The following ARHGEF4 variants were observed in gnomAD, a reference collection of about 807,000 sequenced individuals.
ARHGEF4 encodes the protein APC-stimulated guanine nucleotide exchange factor 1.
A neutral mutation model predicts 162.0 loss-of-function variants in ARHGEF4; 119 were observed. The ratio of observed to expected loss-of-function variants is 0.73; its 90% confidence interval spans 0.63 to 0.86. The LOEUF is 0.86. Among genes scored for constraint, ARHGEF4 ranks in the 40% least tolerant of loss-of-function variants. The pLI, the probability that ARHGEF4 is intolerant of heterozygous loss-of-function variation, is 0.00. For missense variants in ARHGEF4, 2,488 were observed against 2,456.0 expected (o/e 1.01, Z -0.28); for synonymous variants, 1,014 against 979.9 (o/e 1.03, Z -0.65).
At chr2:131,039,953 C>T (rs1573699959) in intron 6 of ARHGEF4, 63 bp from the exon 7 acceptor site, 62 of 1,526,120 alleles carry the variant, frequency 4.1e-5, no homozygotes, top group Non-Finnish European at 5.3e-5. Context: ...GCCGCTGCGG[C>T]GCAGGGCGCG....
chr2:130,931,990 T>C (rs531971407), intron 3 of ARHGEF4, among the ~76,000 whole-genome samples: 1 of 152,274 alleles, frequency 6.6e-6, no homozygotes, highest in South Asian at 2.1e-4. Context: ...ATTCATTCAC[T>C]ATATTTTGCG....
At position 130,901,904 on chromosome 2, in the gene ARHGEF4, A is replaced by G. The variant is rs574131591; in HGVS notation, c.40-12082A>G. On this transcript the variant is annotated intron_variant, in intron 1 of 13. Transcript: ENST00000409359. ...CTGTCCTAAATCAGCCCAGGGCCAG[A>G]TACCAGACAACAAGGACAGCCCTTA... Among the ~76,000 whole-genome samples the G allele has an allele frequency of 7.5e-4, 114 of 152,282 alleles. 2 individuals carry two copies. Among genetic ancestry groups the G allele is most frequent in the African/African-American group, 2.6e-3 (109 of 41,564 alleles).
chr2:130,926,549 G>T (rs1398214541), intron 2 of ARHGEF4, among the ~76,000 whole-genome samples: 2 of 152,106 alleles, frequency 1.3e-5, no homozygotes, highest in Non-Finnish European at 2.9e-5. Context: ...ACTCCACTTT[G>T]GTGTGGGAAG....
At position 130,990,242 on chromosome 2, in the gene ARHGEF4, GA is replaced by G. The variant is rs1410854400; in HGVS notation, c.3986-37702del. Among the ~76,000 whole-genome samples the G allele has an allele frequency of 3.9e-5, 6 of 152,258 alleles. No homozygotes were observed. In the East Asian group the frequency reaches 9.7e-4, roughly 24 times the overall value. On this transcript the variant is annotated intron_variant, in intron 4 of 13. Coordinates refer to ENST00000409359, the MANE Select transcript of ARHGEF4 (RefSeq NM_001367493.1). Reference sequence around the variant, plus strand: ...TTTCTCTTTTTAAATCTCTGTAGCTGAGGGGAAAATATGTCTTACAAACAGT... The same window carrying G: ...TTTCTCTTTTTAAATCTCTGTAGCTGGGGGAAAATATGTCTTACAAACAGT...
Position 131,038,943 on chromosome 2 carries a change from G to T in ARHGEF4, c.4216G>T (p.Val1406Phe). 4 of 1,613,756 alleles carry T rather than the reference G, an allele frequency of 2.5e-6. No individual in the cohort carries two copies. Among genetic ancestry groups the T allele is most frequent in the East Asian group, 2.2e-5 (1 of 44,878 alleles). Residue 1406 changes from valine to phenylalanine, a missense_variant, in exon 6 of 14, where the codon GTC becomes TTC. By Grantham distance (50) the Val-to-Phe change is conservative. Transcript: ENST00000409359. ...GGAGCTGGGCTTCAAAGCTGGGGAC[G>T]TCATCGAAGTGATGGATGCCACCAA... ...DQELGFKAGD[V>F]IEVMDATNRE...
At chr2:130,868,392 A>G (rs1468172120) in intron 1 of ARHGEF4, among the ~76,000 whole-genome samples, 4 of 147,276 alleles carry the variant, frequency 2.7e-5, no homozygotes, top group African/African-American at 9.9e-5. Flanking sequence ...GATGGCAGAA[A>G]AGGGAAAGGA....
At chr2:130,842,255 C>G (rs1192776707) in intron 1 of ARHGEF4, among the ~76,000 whole-genome samples, 1 of 152,056 alleles carries the variant, frequency 6.6e-6, no homozygotes, top group Non-Finnish European at 1.5e-5. Flanking sequence ...CCAGTGCATC[C>G]CCACTCCTAA....
At chr2:130,970,933 ATCTC>A (rs1188274222) in intron 4 of ARHGEF4, among the ~76,000 whole-genome samples, 1 of 152,158 alleles carries the variant, frequency 6.6e-6, no homozygotes, top group South Asian at 2.1e-4. Flanking sequence ...CCAATTTTTC[ATCTC>A]TCTGTCTTAT....
intron 2 of ARHGEF4, 136 bp downstream of exon 2, chr2:130,917,634 G>T (rs1047395556): frequency 5.3e-6 from 6 of 1,141,386 alleles, no homozygotes; most frequent in Middle Eastern, 3.0e-4. Flanking sequence ...ACTCCCAGCC[G>T]CCCCCCCTCC....
intron 1 of ARHGEF4, among the ~76,000 whole-genome samples, chr2:130,901,605 C>G (rs1235918921): frequency 6.6e-6 from 1 of 151,882 alleles, no homozygotes; most frequent in Non-Finnish European, 1.5e-5. Flanking sequence ...ACTGCAACCT[C>G]TGCCTCCCGG....
chr2:131,035,592 G>GTGAC lies in ARHGEF4; in HGVS notation c.4126-3260_4126-3257dup, dbSNP rs1690214166. On this transcript the variant is annotated intron_variant, in intron 5 of 13. Transcript: ENST00000409359. ...CTGCTTGTCTGGAAACGGAGTGCATGTGACCGCTGGGTGAGCGACCCGCGC... is the reference window on the plus strand; with the variant it reads ...CTGCTTGTCTGGAAACGGAGTGCATGTGACTGACCGCTGGGTGAGCGACCCGCGC... 5.5e-6 allele frequency: 5 copies of GTGAC among 905,656 alleles called. No individual in the cohort carries two copies. In the South Asian group the frequency reaches 2.1e-4, roughly 37 times the overall value. The allele number at this position is 905,656 out of a possible 1,614,324, so 56.1% of individuals were successfully genotyped here. A position where few individuals can be genotyped will look rare whatever the true frequency, so the allele number is the denominator to read the frequency against.
rs115336991 is a variant in ARHGEF4 at position 130,980,624 on chromosome 2, G to T, written c.3985+33989G>T. Among the ~76,000 whole-genome samples, 2 of 152,064 alleles carry T rather than the reference G, an allele frequency of 1.3e-5. 1 individual carries two copies. The highest frequency in any genetic ancestry group is 6.3e-3 in the Middle Eastern group (2 of 316). On this transcript the variant is annotated intron_variant, in intron 4 of 13. Coordinates refer to ENST00000409359, the MANE Select transcript of ARHGEF4 (RefSeq NM_001367493.1). ...ACATCAACACACATTTCTAAGATTG[G>T]TTTCTAGATACAGTACTGACGACTG...
At chr2:130,891,037 T>A (rs1265716570) in intron 1 of ARHGEF4, among the ~76,000 whole-genome samples, 1 of 152,108 alleles carries the variant, frequency 6.6e-6, no homozygotes, top group African/African-American at 2.4e-5. Flanking sequence ...CTATAGTGAG[T>A]GTATCTCTGC....
chr2:130,939,281 T>A (rs952728330), intron 3 of ARHGEF4, among the ~76,000 whole-genome samples: 2 of 152,202 alleles, frequency 1.3e-5, no homozygotes, highest in Admixed American at 1.3e-4. Flanking sequence ...TAGGTGAAGT[T>A]TCTTTTCTTC....
chr2:130,959,145 TTGGC>T (rs1277902217), intron 4 of ARHGEF4, among the ~76,000 whole-genome samples: 1 of 152,066 alleles, frequency 6.6e-6, no homozygotes, highest in African/African-American at 2.4e-5. Flanking sequence ...TTTCTCCATG[TTGGC>T]CAGGCTGGTC....
At chr2:130,924,851 G>A (rs1034792720) in intron 2 of ARHGEF4, among the ~76,000 whole-genome samples, 1 of 152,160 alleles carries the variant, frequency 6.6e-6, no homozygotes, top group Non-Finnish European at 1.5e-5. Context: ...TGAGCCTTGG[G>A]TTAAGACCAC....
chr2:131,023,844 T>C (rs1159227750), intron 4 of ARHGEF4, among the ~76,000 whole-genome samples: 5 of 152,144 alleles, frequency 3.3e-5, no homozygotes. Flanking sequence ...ATAGGAATAG[T>C]TGGAAACAAT....
chr2:130,841,508 C>T (rs1452993361), intron 1 of ARHGEF4, among the ~76,000 whole-genome samples: 2 of 151,698 alleles, frequency 1.3e-5, no homozygotes, highest in Non-Finnish European at 2.9e-5. Flanking sequence ...ATGAGAACAT[C>T]TTGGTGCCCC....
chr2:130,959,107 A>G (rs538199729), intron 4 of ARHGEF4, among the ~76,000 whole-genome samples: 2 of 151,852 alleles, frequency 1.3e-5, no homozygotes, highest in East Asian at 3.9e-4. Flanking sequence ...ACACCAGGCT[A>G]ATTTTTGTAT....
Sources: allele counts gnomAD v4.1 joint callset (sites outside exome capture counted in the v4.1 genomes callset), GRCh38; gene constraint gnomAD v4.1.1; transcripts MANE v1.5; gene names NCBI Gene and HGNC (gene_info 2026-07-23, HGNC 2026-07-21).